DNAJC11: variants seen among roughly 807,000 people sequenced by gnomAD.
DNAJC11 encodes the protein DnaJ heat shock protein family (Hsp40) member C11.
A neutral mutation model predicts 78.6 loss-of-function variants in DNAJC11; 15 were observed. That is an observed-to-expected ratio of 0.19 (90% CI 0.13 to 0.29). The LOEUF is 0.29. Ranked by LOEUF, DNAJC11 falls within the 10% of genes least tolerant of loss-of-function variation. DNAJC11 has a pLI of 1.00. For missense variants in DNAJC11, 547 were observed against 709.6 expected, an observed-to-expected ratio of 0.77 and a Z score of 2.60; for synonymous variants, 292 against 272.1, an observed-to-expected ratio of 1.07 and a Z score of -0.72.
At chr1:6,690,297 A>T (rs892027970) in intron 1 of DNAJC11, among the ~76,000 whole-genome samples, 1 of 152,224 alleles carries the variant, frequency 6.6e-6, no homozygotes, top group Admixed American at 6.5e-5. Flanking sequence ...CACTAATAGA[A>T]ATACACGGCA....
chr1:6,637,404 C>T, intron 13 of DNAJC11, 43 bp downstream of exon 13: 3 of 1,614,136 alleles, frequency 1.9e-6, no homozygotes, highest in South Asian at 1.1e-5. Flanking sequence ...GCTTAGAGAC[C>T]CCCAGCGCCC....
chr1:6,689,213 G>C (rs1642703305), intron 1 of DNAJC11, among the ~76,000 whole-genome samples: 1 of 152,172 alleles, frequency 6.6e-6, no homozygotes, highest in Non-Finnish European at 1.5e-5. Flanking sequence ...CAAAACCAGA[G>C]AGAGCTAAAG....
intron 4 of DNAJC11, among the ~76,000 whole-genome samples, chr1:6,659,949 G>C (rs959989681): frequency 3.0e-4 from 45 of 151,116 alleles, no homozygotes; most frequent in African/African-American, 9.9e-4. Context: ...CCAGCTACTC[G>C]GGAGGCTGAG....
chr1:6,647,669 T>A (rs1423225369), intron 7 of DNAJC11, among the ~76,000 whole-genome samples: 1 of 151,936 alleles, frequency 6.6e-6, no homozygotes, highest in Non-Finnish European at 1.5e-5. Flanking sequence ...AATACAAAAA[T>A]TAGCTAGGCG....
rs149912357 is a variant in DNAJC11 at position 6,667,712 on chromosome 1, G to T, written c.375C>A (p.Pro125=). 6.2e-7 allele frequency: 1 copy of T among 1,613,822 alleles called. No homozygotes were observed. The highest frequency in any genetic ancestry group is 1.3e-5 in the African/African-American group (1 of 74,882). ...EERRLQQRTN[P]KGTISVGVDA... ...TGAAACGTGGCCCCTGGCTTACCTT[G>T]GGATTGGTTCGCTGCTGCAATCTCC... The change falls in exon 4 of 16, where the codon CCC becomes CCA. Residue 125 remains proline (P), a synonymous_variant. Coordinates refer to ENST00000377577, the MANE Select transcript of DNAJC11 (RefSeq NM_018198.4).
chr1:6,648,164 C>CT (rs993241579), intron 7 of DNAJC11, among the ~76,000 whole-genome samples: 4 of 151,746 alleles, frequency 2.6e-5, no homozygotes, highest in Admixed American at 6.6e-5. Context: ...AGCTTTTTTT[C>CT]TTTTTTTTGA....
rs754094343 is a variant in DNAJC11, at chr1:6,667,798, T to G, written c.289A>C (p.Arg97=). 19 of 1,613,852 alleles carry G rather than the reference T, an allele frequency of 1.2e-5. No individual in the cohort carries two copies. In the East Asian group the frequency reaches 4.2e-4, roughly 36 times the overall value. The stretch of plus-strand genomic sequence containing the variant: ...TCTCGAATTTCAGCAGGGGTTCTCC[T>G]CCTTTCCACAACCTATGCACAGAAT... ...EMEGWEVVER[R]RTPAEIREEF... The change falls in exon 4 of 16, where the codon AGG becomes CGG. Residue 97 remains arginine (R), a synonymous_variant. Coordinates refer to ENST00000377577, the MANE Select transcript of DNAJC11 (RefSeq NM_018198.4).
At chr1:6,693,622 T>C (rs1642786308) in intron 1 of DNAJC11, among the ~76,000 whole-genome samples, 1 of 152,086 alleles carries the variant, frequency 6.6e-6, no homozygotes, top group Admixed American at 6.6e-5. Context: ...GACCTCGTGA[T>C]TCACCCGCCT....
chr1:6,671,640 TTCTGCCTCAG>T (rs1390869086), intron 3 of DNAJC11, among the ~76,000 whole-genome samples: 7 of 151,064 alleles, frequency 4.6e-5, no homozygotes, highest in Middle Eastern at 3.2e-3. Context: ...CATGCCATTC[TTCTGCCTCAG>T]TCTCCCGAGT....
intron 4 of DNAJC11, among the ~76,000 whole-genome samples, chr1:6,657,894 C>G (rs1167058505): frequency 6.6e-6 from 1 of 152,240 alleles, no homozygotes; most frequent in Non-Finnish European, 1.5e-5. Flanking sequence ...ATCTGCCCAC[C>G]TTGGCCTCCC....
At chr1:6,637,770 AG>A (rs1641805420) in intron 12 of DNAJC11, 2 of 563,670 alleles carry the variant, frequency 3.5e-6, no homozygotes, top group South Asian at 4.3e-5. Context: ...CTCCCTTTCT[AG>A]GGATCATTAA....
intron 1 of DNAJC11, among the ~76,000 whole-genome samples, chr1:6,697,437 T>A (rs918535987): frequency 9.2e-5 from 14 of 151,982 alleles, no homozygotes; most frequent in African/African-American, 3.4e-4. Flanking sequence ...TTAGTCAAAT[T>A]CTCATAAAGA....
At chr1:6,686,074 A>G (rs781689954) in intron 1 of DNAJC11, among the ~76,000 whole-genome samples, 15 of 152,186 alleles carry the variant, frequency 9.9e-5, no homozygotes, top group Non-Finnish European at 1.5e-4. Context: ...CTTCTACTGA[A>G]ATACATTTGT....
intron 3 of DNAJC11, among the ~76,000 whole-genome samples, chr1:6,676,457 G>T (rs867410891): frequency 2.6e-5 from 4 of 151,808 alleles, no homozygotes; most frequent in African/African-American, 4.8e-5. Context: ...AGGGGGGAGG[G>T]TAGCTTCAGG....
intron 1 of DNAJC11, among the ~76,000 whole-genome samples, chr1:6,686,894 T>C (rs2147882448): frequency 6.6e-6 from 1 of 152,246 alleles, no homozygotes; most frequent in East Asian, 1.9e-4. Context: ...CCAGGCGATG[T>C]ATCTGTATTA....
chr1:6,669,520 GAAAAGA>G lies in DNAJC11; in HGVS notation c.277-1716_277-1711del, dbSNP rs1557480260. Among the ~76,000 whole-genome samples, 435 of 95,046 alleles carry G rather than the reference GAAAAGA, an allele frequency of 4.6e-3. 3 individuals are homozygous for G. The highest frequency in any genetic ancestry group is 0.018 in the African/African-American group (408 of 22,128). The allele number at this position is 95,046 out of a possible 152,430, so 62.4% of individuals were successfully genotyped here. On this transcript the variant is annotated intron_variant, in intron 3 of 15. Transcript: ENST00000377577. ...GAGCAAGAAACTCTGTCTTAGAAAA[GAAAAGA>G]AAAGAAAAGAAAAGAAAAGAAAAGA...
intron 1 of DNAJC11, among the ~76,000 whole-genome samples, 159 bp downstream of exon 1, chr1:6,701,570 C>A (rs1642929557): frequency 6.6e-6 from 1 of 152,134 alleles, no homozygotes; most frequent in Non-Finnish European, 1.5e-5. Flanking sequence ...GGTGGGGACG[C>A]CTCCATCGGG....
At chr1:6,652,431 T>C (rs1411288748) in intron 6 of DNAJC11, among the ~76,000 whole-genome samples, 3 of 152,050 alleles carry the variant, frequency 2.0e-5, no homozygotes, top group Admixed American at 1.3e-4. Flanking sequence ...ATGAGACCTA[T>C]TTATTTATTT....
chr1:6,687,692 A>T (rs1231826664), intron 1 of DNAJC11, among the ~76,000 whole-genome samples: 2 of 152,106 alleles, frequency 1.3e-5, no homozygotes, highest in East Asian at 3.9e-4. Context: ...CCATATCCTG[A>T]TGGCATTTTT....
Sources: allele counts gnomAD v4.1 joint callset (sites outside exome capture counted in the v4.1 genomes callset), GRCh38; gene constraint gnomAD v4.1.1; transcripts MANE v1.5; gene names NCBI Gene and HGNC (gene_info 2026-07-23, HGNC 2026-07-21).